UNC13C: variants seen among roughly 807,000 people sequenced by gnomAD.
The protein encoded by UNC13C is unc-13 homolog C, also known as protein unc-13 homolog C.
UNC13C carries 174 observed loss-of-function variants against 245.4 expected under a neutral mutation model. The ratio of observed to expected loss-of-function variants is 0.71; its 90% CI spans 0.63 to 0.80. The LOEUF is 0.80. UNC13C is among the 30% of genes least tolerant of loss of function. The pLI is 0.00. For synonymous variants in UNC13C, 992 were observed against 895.1 expected (o/e 1.11, Z -1.93); for missense variants, 2,829 against 2,602.9 (o/e 1.09, Z -1.89).
At chr15:54,094,148 TG>T (rs1385141313) in intron 2 of UNC13C, among the ~76,000 whole-genome samples, 6 of 152,290 alleles carry the variant, frequency 3.9e-5, no homozygotes, top group African/African-American at 1.4e-4. Flanking sequence ...TAATAAACTT[TG>T]GCTTAAGGAC....
chr15:54,601,558 G>C (rs571623077), intron 30 of UNC13C, among the ~76,000 whole-genome samples: 2 of 152,218 alleles, frequency 1.3e-5, no homozygotes, highest in Non-Finnish European at 2.9e-5. Context: ...TCAGAATCTT[G>C]CATAGGCTAA....
the UNC13C span, among the ~76,000 whole-genome samples, chr15:53,966,688 G>C: frequency 6.6e-6 from 1 of 151,780 alleles, no homozygotes; most frequent in African/African-American, 2.4e-5. Flanking sequence ...ATTTACTAGA[G>C]TATATCCTGG....
In UNC13C at chr15:54,117,584, GCTCT is replaced by G. The variant is rs1198174316; in HGVS notation, c.2984-25427_2984-25424del. On this transcript the variant is annotated intron_variant, in intron 2 of 32. Coordinates refer to ENST00000260323, the MANE Select transcript of UNC13C (RefSeq NM_001080534.3). ...CTCTCTCTCATTTTCTCTATCTCTA[GCTCT>G]CTCTCTATTTACAGACAGGGTCTCA... is the stretch of plus-strand genomic sequence containing the variant. Among the ~76,000 whole-genome samples, 4 of 41,222 alleles carry G rather than the reference GCTCT, an allele frequency of 9.7e-5. No individual in the cohort carries two copies. In the East Asian group the frequency reaches 1.8e-3, roughly 19 times the overall value. The allele number at this position is 41,222 out of a possible 152,430, so 27.0% of individuals were successfully genotyped here. A position where few individuals can be genotyped will look rare whatever the true frequency, so the allele number is the denominator to read the frequency against.
chr15:54,123,042 G>A (rs1184445422), intron 2 of UNC13C, among the ~76,000 whole-genome samples: 3 of 151,910 alleles, frequency 2.0e-5, no homozygotes, highest in Non-Finnish European at 4.4e-5. Context: ...TAAAGTGATT[G>A]TAGTTTTTTA....
At chr15:54,086,737 C>CTTTTTTTTTTCTTTTTTTTTTT (rs1899261767) in intron 2 of UNC13C, among the ~76,000 whole-genome samples, 1 of 92,012 alleles carries the variant, frequency 1.1e-5, no homozygotes, top group Non-Finnish European at 2.1e-5. Flanking sequence ...TATTTTCTTT[C>CTTTTTTTTTTCTTTTTTTTTTT]TTTTTTTTTT....
At chr15:54,364,352 A>C (rs2039309754) in intron 17 of UNC13C, among the ~76,000 whole-genome samples, 1 of 152,160 alleles carries the variant, frequency 6.6e-6, no homozygotes, top group African/African-American at 2.4e-5. Flanking sequence ...TGAGATAGTC[A>C]TATTTTATTT....
chr15:53,974,430 A>G (rs572031400), upstream of UNC13C, among the ~76,000 whole-genome samples: 3 of 152,324 alleles, frequency 2.0e-5, no homozygotes, highest in East Asian at 5.8e-4. Flanking sequence ...TCTAGCCTTC[A>G]GCTGGGCATT....
intron 1 of UNC13C, among the ~76,000 whole-genome samples, chr15:53,995,966 G>A (rs553824865): frequency 6.6e-6 from 1 of 152,158 alleles, no homozygotes; most frequent in African/African-American, 2.4e-5. Flanking sequence ...TGCTATGGAA[G>A]GACGGCCGAA....
At chr15:53,884,189 A>G in the UNC13C span, among the ~76,000 whole-genome samples, 1 of 152,196 alleles carries the variant, frequency 6.6e-6, no homozygotes, top group Non-Finnish European at 1.5e-5. Context: ...GTTATCTTTC[A>G]AATGGGAAAC....
At chr15:54,017,348 TGA>T (rs1485225336) in intron 2 of UNC13C, among the ~76,000 whole-genome samples, 1 of 152,170 alleles carries the variant, frequency 6.6e-6, no homozygotes, top group Non-Finnish European at 1.5e-5. Flanking sequence ...GAGTGATTTT[TGA>T]GAGTCGGATA....
At chr15:54,134,546 C>G (rs1179795982) in intron 2 of UNC13C, among the ~76,000 whole-genome samples, 1 of 152,038 alleles carries the variant, frequency 6.6e-6, no homozygotes, top group Non-Finnish European at 1.5e-5. Flanking sequence ...CGGAGTCTCG[C>G]TGTCTCGCTG....
At chr15:53,856,901 G>T in the UNC13C span, among the ~76,000 whole-genome samples, 3 of 152,060 alleles carry the variant, frequency 2.0e-5, no homozygotes, top group African/African-American at 7.2e-5. Context: ...CATTATTTTT[G>T]TATGGTAGTC....
At chr15:54,219,688 G>A (rs1289802360) in intron 4 of UNC13C, among the ~76,000 whole-genome samples, 17 of 150,958 alleles carry the variant, frequency 1.1e-4, no homozygotes, top group South Asian at 8.4e-4. Flanking sequence ...GAAAATTTTC[G>A]CAACCTACTC....
the UNC13C span, chr15:53,955,801 A>T: frequency 6.6e-6 from 1 of 152,210 alleles, no homozygotes; most frequent in Admixed American, 6.5e-5. Context: ...CATGCTGGCC[A>T]TTTTAATCCG....
At chr15:53,891,845 A>T in the UNC13C span, among the ~76,000 whole-genome samples, 2 of 152,302 alleles carry the variant, frequency 1.3e-5, no homozygotes, top group South Asian at 4.1e-4. Context: ...TAATTGGGGC[A>T]TTTAGCCCAT....
At chr15:54,028,446 C>T (rs549804166) in intron 2 of UNC13C, among the ~76,000 whole-genome samples, 84 of 152,132 alleles carry the variant, frequency 5.5e-4, no homozygotes, top group South Asian at 2.7e-3. Flanking sequence ...CAGCATCCAG[C>T]GATACATATA....
chr15:54,150,479 T>C (rs1450184459), intron 4 of UNC13C, among the ~76,000 whole-genome samples: 1 of 152,206 alleles, frequency 6.6e-6, no homozygotes, highest in Non-Finnish European at 1.5e-5. Flanking sequence ...GCACAAAGGC[T>C]TAATCTAGAC....
intron 2 of UNC13C, among the ~76,000 whole-genome samples, chr15:54,067,646 T>C (rs1395579054): frequency 6.6e-6 from 1 of 152,224 alleles, no homozygotes; most frequent in Non-Finnish European, 1.5e-5. Context: ...GTACCTATTG[T>C]ACAAAGCTGT....
the UNC13C span, among the ~76,000 whole-genome samples, chr15:53,850,517 G>A: frequency 6.6e-6 from 1 of 152,062 alleles, no homozygotes; most frequent in African/African-American, 2.4e-5. Context: ...TCATTTGATT[G>A]TCTTTCAAAA....
Sources: allele counts gnomAD v4.1 joint callset (sites outside exome capture counted in the v4.1 genomes callset), GRCh38; gene constraint gnomAD v4.1.1; transcripts MANE v1.5; gene names NCBI Gene and HGNC (gene_info 2026-07-23, HGNC 2026-07-21).